The following CDH18 variants were observed in gnomAD, a reference collection of about 807,000 sequenced individuals.
CDH18 encodes cadherin 18, also known as cadherin-18.
In CDH18, 31 loss-of-function variants were observed where a neutral mutation model predicts 67.9. The observed-to-expected ratio is 0.46, with a 90% CI of 0.34 to 0.62. The LOEUF is 0.62. CDH18 is among the 20% of genes least tolerant of loss of function. The pLI is 0.01. For synonymous variants in CDH18, 362 were observed against 347.2 expected (o/e 1.04, Z -0.48); for missense variants, 890 against 975.5 (o/e 0.91, Z 1.17).
At chr5:19,567,865 G>A (rs1239696929) in intron 8 of CDH18, among the ~76,000 whole-genome samples, 2 of 152,076 alleles carry the variant, frequency 1.3e-5, no homozygotes, top group Non-Finnish European at 2.9e-5. Context: ...TTTCATATGA[G>A]TGTTCATTTA....
intron 8 of CDH18, among the ~76,000 whole-genome samples, chr5:19,558,934 C>T (rs1392878056): frequency 6.6e-6 from 1 of 151,974 alleles, no homozygotes. Flanking sequence ...TTGTATATTT[C>T]CAGGAATGTA....
intron 9 of CDH18, among the ~76,000 whole-genome samples, chr5:19,542,563 G>T (rs527752134): frequency 1.2e-4 from 19 of 152,198 alleles, no homozygotes; most frequent in Admixed American, 3.9e-4. Flanking sequence ...CAATACAATA[G>T]AATAATTTTG....
chr5:20,152,736 C>T (rs934686077), intron 2 of CDH18, among the ~76,000 whole-genome samples: 1 of 152,018 alleles, frequency 6.6e-6, no homozygotes, highest in Non-Finnish European at 1.5e-5. Context: ...ATTGACATCA[C>T]CACGATGCTA....
chr5:20,137,633 A>T (rs1749851336), intron 2 of CDH18, among the ~76,000 whole-genome samples: 1 of 152,088 alleles, frequency 6.6e-6, no homozygotes, highest in South Asian at 2.1e-4. Context: ...ATTGCTGGCA[A>T]GGAGCTGCAT....
intron 1 of CDH18, among the ~76,000 whole-genome samples, chr5:20,534,979 TA>T (rs1756632403): frequency 6.6e-6 from 1 of 152,096 alleles, no homozygotes; most frequent in Non-Finnish European, 1.5e-5. Flanking sequence ...TTGCTGTGAT[TA>T]TAGCCTACCT....
At chr5:20,438,713 G>A (rs1293170186) in intron 1 of CDH18, among the ~76,000 whole-genome samples, 12 of 151,260 alleles carry the variant, frequency 7.9e-5, no homozygotes. Flanking sequence ...GAAAGTAGAA[G>A]GCTGCTACAT....
At chr5:20,532,497 ACTC>A (rs1250630171) in intron 1 of CDH18, among the ~76,000 whole-genome samples, 1 of 151,856 alleles carries the variant, frequency 6.6e-6, no homozygotes, top group Non-Finnish European at 1.5e-5. Context: ...TTCGATCAAA[ACTC>A]CTCAACCTCA....
chr5:19,995,395 T>C (rs1735925628), intron 2 of CDH18, among the ~76,000 whole-genome samples: 1 of 152,044 alleles, frequency 6.6e-6, no homozygotes, highest in Non-Finnish European at 1.5e-5. Context: ...AAGCTACAAA[T>C]GTGTATCTGG....
At position 19,546,565 on chromosome 5, in the gene CDH18, G is replaced by C. The variant is rs983078224; in HGVS notation, c.1254-2560C>G. The stretch of plus-strand genomic sequence containing the variant: ...ATGAAAAGCTGGGTAGAAATATAGG[G>C]TAGGTGTGGTGATGTAAATATTACA... On this transcript the variant is annotated intron_variant, in intron 8 of 12. Transcript: ENST00000382275. Among the ~76,000 whole-genome samples, 10 of 152,242 alleles carry C rather than the reference G, an allele frequency of 6.6e-5. No homozygotes were observed. The East Asian group carries it at 1.9e-3, about 29-fold the overall frequency.
intron 3 of CDH18, among the ~76,000 whole-genome samples, chr5:19,816,948 T>G (rs562751358): frequency 6.6e-6 from 1 of 151,952 alleles, no homozygotes; most frequent in South Asian, 2.1e-4. Flanking sequence ...AAATGTCAAC[T>G]GTGAAAAATT....
At chr5:20,523,124 A>G (rs1377928136) in intron 1 of CDH18, among the ~76,000 whole-genome samples, 1 of 152,172 alleles carries the variant, frequency 6.6e-6, no homozygotes, top group Non-Finnish European at 1.5e-5. Context: ...GCATGATAGG[A>G]GTCACTGTCT....
chr5:20,408,835 C>T (rs77063149), intron 1 of CDH18, among the ~76,000 whole-genome samples: 5,651 of 151,604 alleles, frequency 0.037, 120 homozygotes, highest in African/African-American at 0.064. Flanking sequence ...ATGTTTTCTA[C>T]AAGAGATTCT....
At chr5:20,194,442 G>C (rs944856149) in intron 2 of CDH18, among the ~76,000 whole-genome samples, 1 of 151,948 alleles carries the variant, frequency 6.6e-6, no homozygotes. Context: ...CTACAAAAAA[G>C]ACCTCACAAC....
chr5:19,523,555 TA>T (rs1015393790), intron 9 of CDH18, among the ~76,000 whole-genome samples: 3 of 150,698 alleles, frequency 2.0e-5, no homozygotes, highest in Non-Finnish European at 1.5e-5. Context: ...ATAATATAAA[TA>T]AAAAATAAAC....
At chr5:19,879,592 T>G (rs1366729703) in intron 2 of CDH18, among the ~76,000 whole-genome samples, 1 of 152,018 alleles carries the variant, frequency 6.6e-6, no homozygotes, top group East Asian at 1.9e-4. Context: ...GCAGTAGATA[T>G]AAAGTATTCA....
chr5:19,533,463 A>G (rs750755051), intron 9 of CDH18, among the ~76,000 whole-genome samples: 2 of 152,210 alleles, frequency 1.3e-5, no homozygotes, highest in African/African-American at 4.8e-5. Flanking sequence ...CTTTTCAGTC[A>G]AAAGAATGAG....
At chr5:20,211,521 C>T (rs530319480) in intron 2 of CDH18, among the ~76,000 whole-genome samples, 7 of 152,212 alleles carry the variant, frequency 4.6e-5, no homozygotes, top group Admixed American at 2.6e-4. Flanking sequence ...CTCATTCAGC[C>T]GGGTGCCCCT....
chr5:19,926,443 A>AG (rs1160078360), intron 2 of CDH18, among the ~76,000 whole-genome samples: 1 of 152,174 alleles, frequency 6.6e-6, no homozygotes, highest in African/African-American at 2.4e-5. Flanking sequence ...TTCTTAAAAC[A>AG]GGGACTACAT....
chr5:20,225,798 G>A (rs79991325), intron 2 of CDH18, among the ~76,000 whole-genome samples: 3,583 of 152,204 alleles, frequency 0.024, 147 homozygotes, highest in African/African-American at 0.08. Context: ...ATGGTGTTTT[G>A]ATCAGTAGGA....
Sources: gnomAD v4.1 joint callset for allele counts (sites outside exome capture counted in the v4.1 genomes callset) on GRCh38, gnomAD v4.1.1 for gene constraint, MANE v1.5 for transcripts, NCBI Gene and HGNC (gene_info 2026-07-23, HGNC 2026-07-21) for gene names.